The following TMEM62 variants were observed in gnomAD, a reference collection of about 807,000 sequenced individuals.
The protein encoded by TMEM62 is transmembrane protein 62.
TMEM62 carries 41 observed loss-of-function variants against 70.4 expected under a neutral mutation model. That is an observed-to-expected ratio of 0.58 (90% CI 0.45 to 0.76). The LOEUF is 0.76. Ranked by LOEUF, TMEM62 falls within the 30% of genes least tolerant of loss-of-function variation. The pLI is 0.00. For missense variants in TMEM62, 688 were observed against 788.5 expected (o/e 0.87, Z 1.53); for synonymous variants, 268 against 291.0 (o/e 0.92, Z 0.80).
intron 13 of TMEM62, among the ~76,000 whole-genome samples, chr15:43,183,791 T>C (rs1379781679): frequency 6.6e-6 from 1 of 152,192 alleles, no homozygotes; most frequent in Non-Finnish European, 1.5e-5. Flanking sequence ...GTTAAATGAA[T>C]GAATCATACA....
chr15:43,154,767 T>C lies in TMEM62; in HGVS notation c.1118T>C (p.Phe373Ser). The change falls in exon 9 of 14, where the codon TTC becomes TCC. Residue 373 changes from phenylalanine to serine, a missense_variant. By Grantham distance (155) the Phe-to-Ser change is radical. Transcript: ENST00000260403. ...GQAVHVSGPI[F>S]VLKWNPRNYS... ...GCTGTTCATGTGTCTGGTCCCATTT[T>C]CGTACTGAAGTGGAATCCTAGAAAC... The C allele has an allele frequency of 6.2e-7, 1 of 1,614,112 alleles. No homozygotes were observed. The highest frequency in any genetic ancestry group is 8.5e-7 in the Non-Finnish European group (1 of 1,179,976).
In TMEM62 at chr15:43,184,166, T is replaced by C. The variant is rs780762733; in HGVS notation, c.1606-94T>C. 27 of 1,121,572 alleles carry C rather than the reference T, an allele frequency of 2.4e-5. 1 individual carries two copies. The highest frequency in any genetic ancestry group is 3.2e-5 in the Non-Finnish European group (25 of 774,590). 69.5% of individuals were successfully genotyped at this position (1,121,572 alleles called of 1,614,324 possible). A position where few individuals can be genotyped will look rare whatever the true frequency, so the allele number is the denominator to read the frequency against. On this transcript the variant is annotated intron_variant, in intron 13 of 13. Transcript: ENST00000260403. ...GTAAATTAGCTAACGCCAAGACAGATAGCAGCATAGTCTTAGGATCCACTA... is the reference window on the plus strand; with the variant it reads ...GTAAATTAGCTAACGCCAAGACAGACAGCAGCATAGTCTTAGGATCCACTA...
chr15:43,135,602 C>T lies in TMEM62; in HGVS notation c.383C>T (p.Thr128Ile). Reference protein sequence around the residue: ...WQTYQGILKKTRVMEKTKWLD... With the variant: ...WQTYQGILKKIRVMEKTKWLD... ...ACCTACCAGGGTATTCTGAAGAAGA[C>T]AAGAGTCATGGAAAAAACCAAGTGG... Residue 128 changes from threonine to isoleucine, a missense_variant, in exon 3 of 14, where the codon ACA becomes ATA. Thr to Ile is a moderately conservative substitution (Grantham distance 89). Coordinates refer to ENST00000260403, the MANE Select transcript of TMEM62 (RefSeq NM_024956.4). 1 of 1,607,816 alleles carries T rather than the reference C, an allele frequency of 6.2e-7. No homozygotes were observed. The highest frequency in any genetic ancestry group is 1.3e-5 in the African/African-American group (1 of 74,694).
intron 4 of TMEM62, among the ~76,000 whole-genome samples, chr15:43,139,894 C>T (rs1444770277): frequency 6.6e-6 from 1 of 152,160 alleles, no homozygotes; most frequent in East Asian, 1.9e-4. Flanking sequence ...CAGCAAGTGA[C>T]CCAGAAGATC....
chr15:43,144,831 C>G (rs1172097149), intron 4 of TMEM62, among the ~76,000 whole-genome samples: 2 of 152,056 alleles, frequency 1.3e-5, no homozygotes, highest in Non-Finnish European at 2.9e-5. Flanking sequence ...ATTAACAGGA[C>G]TTGGGGCTGA....
chr15:43,144,738 A>G (rs2036450257), intron 4 of TMEM62, among the ~76,000 whole-genome samples: 1 of 152,250 alleles, frequency 6.6e-6, no homozygotes, highest in Admixed American at 6.5e-5. Context: ...GGAAGAGGAC[A>G]GAGATGAAAA....
intron 4 of TMEM62, among the ~76,000 whole-genome samples, chr15:43,138,857 A>G (rs1445062430): frequency 6.6e-6 from 1 of 152,216 alleles, no homozygotes; most frequent in African/African-American, 2.4e-5. Context: ...TTAACAGGTA[A>G]AATTTTTCTA....
At position 43,184,775 on chromosome 15, in the gene TMEM62, G is replaced by A. The variant is rs774953306; in HGVS notation, c.*189G>A. 50 of 595,748 alleles carry A rather than the reference G, an allele frequency of 8.4e-5. No homozygotes were observed. Among genetic ancestry groups the A allele is most frequent in the Non-Finnish European group, 1.3e-4 (44 of 338,232 alleles). The allele number at this position is 595,748 out of a possible 1,614,324, so 36.9% of individuals were successfully genotyped here. On this transcript the variant is annotated 3_prime_UTR_variant, in exon 14 of 14. Transcript: ENST00000260403. ...TACCTGCAGAATGGACTGCAGAAAAGTCTCAAAAATAATGCCTTTATTCCT... is the reference window on the plus strand; with the variant it reads ...TACCTGCAGAATGGACTGCAGAAAAATCTCAAAAATAATGCCTTTATTCCT...
rs745663925 is a variant in TMEM62, at chr15:43,160,791, C to T, written c.1293C>T (p.Ile431=). 1.9e-6 allele frequency: 3 copies of T among 1,554,070 alleles called. No homozygotes were observed. The highest frequency in any genetic ancestry group is 1.1e-5 in the South Asian group (1 of 86,974). Residue 431 remains isoleucine (I), a synonymous_variant, in exon 10 of 14, where the codon ATC becomes ATT. Transcript: ENST00000260403. ...TTATTCTCCGTACTGATCACTACAT[C>T]ATGGTAAGTGAATTCAATTAAATAT... The part of the protein sequence containing the change: ...ASFILRTDHY[I]MARVLFVLIV...
At chr15:43,180,894 A>G (rs1332224064) in intron 12 of TMEM62, 1 of 238,626 alleles carries the variant, frequency 4.2e-6, no homozygotes, top group African/African-American at 2.2e-5. Context: ...TTGCAATGGA[A>G]TTTTCAAAAA....
intron 4 of TMEM62, among the ~76,000 whole-genome samples, chr15:43,143,841 G>A (rs2036355985): frequency 6.6e-6 from 1 of 152,196 alleles, no homozygotes; most frequent in African/African-American, 2.4e-5. Flanking sequence ...AGGGTATTCA[G>A]TAGCTTTGTT....
chr15:43,166,478 G>T (rs2039424238), intron 10 of TMEM62, among the ~76,000 whole-genome samples: 1 of 151,686 alleles, frequency 6.6e-6, no homozygotes, highest in Non-Finnish European at 1.5e-5. Flanking sequence ...ATACAGGACT[G>T]GTTTGTGTCA....
rs150904076 is a variant in TMEM62 at position 43,159,925 on chromosome 15, T to G, written c.1183-756T>G. ...TTTTTAAAGGGAAAATACACGTGAG[T>G]GCATGCTAATATTTACTCTTTAAAT... On this transcript the variant is annotated intron_variant, in intron 9 of 13. Coordinates refer to ENST00000260403, the MANE Select transcript of TMEM62 (RefSeq NM_024956.4). Among the ~76,000 whole-genome samples, 5 of 152,202 alleles carry G rather than the reference T, an allele frequency of 3.3e-5. No individual in the cohort carries two copies. In the East Asian group the frequency reaches 9.6e-4, roughly 29 times the overall value.
Position 43,151,773 on chromosome 15 carries a change from C to T in TMEM62, c.867-17C>T, listed in dbSNP as rs1371429024. 3 of 1,610,070 alleles carry T rather than the reference C, an allele frequency of 1.9e-6. No individual in the cohort carries two copies. The highest frequency in any genetic ancestry group is 1.1e-5 in the South Asian group (1 of 90,466). On this transcript the variant is annotated splice_polypyrimidine_tract_variant and intron_variant, in intron 7 of 13. Coordinates refer to ENST00000260403, the MANE Select transcript of TMEM62 (RefSeq NM_024956.4). ...ATGTGAAGTGACTAAATTACCTTATCATTATCTGGTCTTTAGGTACCGGAT... is the reference window on the plus strand; with the variant it reads ...ATGTGAAGTGACTAAATTACCTTATTATTATCTGGTCTTTAGGTACCGGAT...
intron 10 of TMEM62, among the ~76,000 whole-genome samples, chr15:43,167,485 G>A (rs9796684): frequency 0.27 from 40,146 of 150,836 alleles, 6,033 homozygotes; most frequent in African/African-American, 0.4. Context: ...CATCCCGGAC[G>A]GGGCGGCAGG....
intron 10 of TMEM62, among the ~76,000 whole-genome samples, chr15:43,167,217 A>T (rs1596316914): frequency 7.0e-6 from 1 of 143,258 alleles, no homozygotes; most frequent in Admixed American, 6.9e-5. Flanking sequence ...CGGGGGGCTG[A>T]CCCCCCACCT....
chr15:43,165,520 T>TCGG (rs1288335575), intron 10 of TMEM62, among the ~76,000 whole-genome samples: 4 of 152,000 alleles, frequency 2.6e-5, no homozygotes, highest in Admixed American at 2.6e-4. Context: ...GATCACAAGG[T>TCGG]CGGGAGATAG....
chr15:43,155,568 G>C (rs572463853), intron 9 of TMEM62, among the ~76,000 whole-genome samples: 2 of 152,094 alleles, frequency 1.3e-5, no homozygotes, highest in African/African-American at 4.8e-5. Flanking sequence ...TGGGCACTTG[G>C]AATAATTCTA....
chr15:43,170,667 GA>G (rs1322465587), intron 11 of TMEM62, among the ~76,000 whole-genome samples: 6 of 152,044 alleles, frequency 3.9e-5, no homozygotes, highest in African/African-American at 1.4e-4. Context: ...AAAAAGTAAA[GA>G]AAAAAACCTT....
Sources: gnomAD v4.1 joint callset for allele counts (sites outside exome capture counted in the v4.1 genomes callset) on GRCh38, gnomAD v4.1.1 for gene constraint, MANE v1.5 for transcripts, NCBI Gene and HGNC (gene_info 2026-07-23, HGNC 2026-07-21) for gene names.